The following ASTN2 variants were observed in gnomAD, a reference collection of about 807,000 sequenced individuals.
The protein encoded by ASTN2 is astrotactin-2.
A neutral mutation model predicts 139.8 loss-of-function variants in ASTN2; 54 were observed. The observed-to-expected ratio is 0.39, with a 90% CI of 0.31 to 0.48. The LOEUF (loss-of-function observed/expected upper bound fraction) is 0.48. Ranked by LOEUF, ASTN2 falls within the 20% of genes least tolerant of loss-of-function variation. ASTN2 has a pLI of 0.95. For missense variants in ASTN2, 1,565 were observed against 1,725.1 expected, an observed-to-expected ratio of 0.91 and a Z score of 1.64; for synonymous variants, 756 against 719.5, an observed-to-expected ratio of 1.05 and a Z score of -0.81.
chr9:117,238,767 T>G (rs1564497770), intron 2 of ASTN2, among the ~76,000 whole-genome samples: 1 of 152,182 alleles, frequency 6.6e-6, no homozygotes, highest in Non-Finnish European at 1.5e-5. Context: ...CTAGCTCCAG[T>G]GACCGCTATA....
rs147074541 is a variant in ASTN2 at position 117,220,930 on chromosome 9, C to T, written c.631-6188G>A. Among the ~76,000 whole-genome samples, 1,430 of 152,276 alleles carry T rather than the reference C, an allele frequency of 9.4e-3. 30 individuals carry two copies. The highest frequency in any genetic ancestry group is 0.033 in the African/African-American group (1,367 of 41,554). On this transcript the variant is annotated intron_variant, in intron 2 of 22. Coordinates refer to ENST00000313400, the MANE Select transcript of ASTN2 (RefSeq NM_001365068.1). ...GGTTGAGGTGAGGCTTTCATGGCTC[C>T]AGTCCTCTGGCTGTTGTTATCCAAT... is the stretch of plus-strand genomic sequence containing the variant.
At chr9:116,531,533 A>T (rs1274455714) in intron 19 of ASTN2, among the ~76,000 whole-genome samples, 8 of 82,968 alleles carry the variant, frequency 9.6e-5, no homozygotes, top group Admixed American at 4.3e-4. Context: ...ACCCCACGAC[A>T]GGCCCCGGTG....
intron 1 of ASTN2, among the ~76,000 whole-genome samples, chr9:117,293,579 T>G (rs535257153): frequency 6.6e-6 from 1 of 152,272 alleles, no homozygotes; most frequent in Non-Finnish European, 1.5e-5. Context: ...CCATTGTCGT[T>G]CTGGGGAGGG....
At chr9:116,660,124 G>A (rs1588153500) in intron 16 of ASTN2, among the ~76,000 whole-genome samples, 1 of 151,700 alleles carries the variant, frequency 6.6e-6, no homozygotes, top group Non-Finnish European at 1.5e-5. Context: ...ATATGTATGA[G>A]TATGTGTATG....
chr9:116,737,435 C>T (rs1282395283), intron 13 of ASTN2, among the ~76,000 whole-genome samples: 1 of 150,698 alleles, frequency 6.6e-6, no homozygotes, highest in African/African-American at 2.4e-5. Flanking sequence ...AGGAATAATT[C>T]AGATTCTTAG....
At chr9:116,448,858 G>C (rs1382788700) in intron 20 of ASTN2, among the ~76,000 whole-genome samples, 1 of 152,200 alleles carries the variant, frequency 6.6e-6, no homozygotes, top group East Asian at 1.9e-4. Flanking sequence ...ATGTGTAATA[G>C]TGTTCGTGAT....
intron 4 of ASTN2, among the ~76,000 whole-genome samples, chr9:117,137,119 C>G (rs1389897405): frequency 1.3e-5 from 2 of 152,168 alleles, no homozygotes; most frequent in South Asian, 4.1e-4. Flanking sequence ...TTAATAGCAG[C>G]CTCATAAAAC....
chr9:117,134,790 C>T (rs1829911724), intron 4 of ASTN2, among the ~76,000 whole-genome samples: 1 of 152,150 alleles, frequency 6.6e-6, no homozygotes, highest in East Asian at 1.9e-4. Context: ...GCCCTGCTTC[C>T]TTCAATAAAT....
chr9:116,641,566 T>C (rs1047712462), intron 17 of ASTN2, among the ~76,000 whole-genome samples: 1 of 152,204 alleles, frequency 6.6e-6, no homozygotes, highest in Non-Finnish European at 1.5e-5. Context: ...ATGTTTGTTA[T>C]TATTAAAAGG....
rs143186167 is a variant in ASTN2 at position 116,548,832 on chromosome 9, G to T, written c.3356-61332C>A. On this transcript the variant is annotated intron_variant, in intron 19 of 22. Transcript: ENST00000313400. ...CATCCCCATAAATTACCATTGAACT[G>T]GCTTGGTATAGGGGTCTGGGCAGCA... is the stretch of plus-strand genomic sequence containing the variant. 6.6e-5 allele frequency among the ~76,000 whole-genome samples: 10 copies of T among 152,236 alleles called. No individual in the cohort carries two copies. The East Asian group carries it at 1.9e-3, about 29-fold the overall frequency.
At chr9:116,977,770 G>A (rs1299251724) in intron 7 of ASTN2, among the ~76,000 whole-genome samples, 2 of 145,348 alleles carry the variant, frequency 1.4e-5, no homozygotes, top group Non-Finnish European at 3.0e-5. Flanking sequence ...AGACTGGAGT[G>A]CAGTGACGTG....
intron 13 of ASTN2, among the ~76,000 whole-genome samples, chr9:116,790,085 C>T (rs895959330): frequency 3.9e-5 from 6 of 151,918 alleles, no homozygotes; most frequent in Non-Finnish European, 4.4e-5. Flanking sequence ...ACAACCACAC[C>T]CAGCTAATTT....
At chr9:116,905,570 T>A (rs1176229006) in intron 10 of ASTN2, among the ~76,000 whole-genome samples, 2 of 152,276 alleles carry the variant, frequency 1.3e-5, no homozygotes, top group East Asian at 3.9e-4. Context: ...CCTAAGCAGA[T>A]GGGCCCGCCC....
At chr9:117,026,067 T>C (rs1838068157) in intron 6 of ASTN2, among the ~76,000 whole-genome samples, 1 of 152,034 alleles carries the variant, frequency 6.6e-6, no homozygotes, top group Admixed American at 6.6e-5. Flanking sequence ...GCCCAGCCTA[T>C]TGTGTGTTCT....
intron 12 of ASTN2, among the ~76,000 whole-genome samples, chr9:116,815,759 C>T (rs565879414): frequency 2.2e-5 from 3 of 135,840 alleles, no homozygotes; most frequent in Non-Finnish European, 4.6e-5. Flanking sequence ...GAGTGGAGAT[C>T]GCCCCACTGC....
chr9:116,445,225 T>C (rs1309069615), intron 20 of ASTN2, among the ~76,000 whole-genome samples: 1 of 152,154 alleles, frequency 6.6e-6, no homozygotes, highest in Non-Finnish European at 1.5e-5. Flanking sequence ...TCTCCATCAA[T>C]AAAATGAGGT....
chr9:116,520,343 A>C (rs1227665144), intron 19 of ASTN2, among the ~76,000 whole-genome samples: 1 of 152,176 alleles, frequency 6.6e-6, no homozygotes, highest in Admixed American at 6.5e-5. Context: ...GGGATGGTTT[A>C]ACACACATAA....
At chr9:117,010,174 A>G (rs1837477342) in intron 6 of ASTN2, among the ~76,000 whole-genome samples, 1 of 152,120 alleles carries the variant, frequency 6.6e-6, no homozygotes, top group Admixed American at 6.6e-5. Flanking sequence ...GCTAAAGCAA[A>G]AATGGAAGGA....
At chr9:117,153,910 G>A (rs545851505) in intron 3 of ASTN2, among the ~76,000 whole-genome samples, 2 of 152,016 alleles carry the variant, frequency 1.3e-5, no homozygotes, top group South Asian at 4.1e-4. Flanking sequence ...TCAATGAAGG[G>A]TATAAAAATA....
Sources: gnomAD v4.1 joint callset for allele counts (sites outside exome capture counted in the v4.1 genomes callset) on GRCh38, gnomAD v4.1.1 for gene constraint, MANE v1.5 for transcripts, NCBI Gene and HGNC (gene_info 2026-07-23, HGNC 2026-07-21) for gene names.